Variants in RALGAPA2 observed in about 807,000 individuals in gnomAD.
RALGAPA2 encodes ral GTPase-activating protein subunit alpha-2.
RALGAPA2 carries 139 observed loss-of-function variants against 230.4 expected under a neutral mutation model. That is an observed-to-expected ratio of 0.60 (90% confidence interval 0.53 to 0.69). The LOEUF is 0.69. Among genes scored for constraint, RALGAPA2 ranks in the 30% least tolerant of loss-of-function variants. RALGAPA2 has a pLI of 0.00. For synonymous variants in RALGAPA2, 847 were observed against 837.8 expected, an observed-to-expected ratio of 1.01 and a Z score of -0.19; for missense variants, 2,163 against 2,276.0, an observed-to-expected ratio of 0.95 and a Z score of 1.01.
intron 3 of RALGAPA2, among the ~76,000 whole-genome samples, chr20:20,660,279 A>G (rs543180356): frequency 2.0e-5 from 3 of 151,162 alleles, no homozygotes; most frequent in Non-Finnish European, 4.4e-5. Context: ...TGCCTCTGTG[A>G]GTTCTCAATG....
At chr20:20,683,528 G>A (rs767171795) in intron 1 of RALGAPA2, among the ~76,000 whole-genome samples, 7 of 152,048 alleles carry the variant, frequency 4.6e-5, no homozygotes, top group African/African-American at 7.2e-5. Context: ...CAAACTTCCC[G>A]AACATATTCT....
intron 15 of RALGAPA2, among the ~76,000 whole-genome samples, chr20:20,603,385 T>C (rs1411849488): frequency 2.0e-5 from 3 of 152,206 alleles, no homozygotes; most frequent in Non-Finnish European, 4.4e-5. Context: ...ATTATACGTG[T>C]ATATGGTTTA....
At chr20:20,560,102 C>T (rs2064211873) in intron 23 of RALGAPA2, among the ~76,000 whole-genome samples, 1 of 152,076 alleles carries the variant, frequency 6.6e-6, no homozygotes, top group Non-Finnish European at 1.5e-5. Flanking sequence ...GGGAAAGCTA[C>T]TCATAGCTAA....
At chr20:20,605,473 A>G in intron 14 of RALGAPA2, 61 bp from the exon 15 acceptor site, 2 of 1,264,240 alleles carry the variant, frequency 1.6e-6, no homozygotes, top group Non-Finnish European at 2.2e-6. Flanking sequence ...GCATACTTTT[A>G]AACAAAATGT....
At chr20:20,449,795 T>C (rs892316837) in intron 37 of RALGAPA2, among the ~76,000 whole-genome samples, 1 of 152,234 alleles carries the variant, frequency 6.6e-6, no homozygotes, top group Non-Finnish European at 1.5e-5. Flanking sequence ...TGGAACTTAT[T>C]AGGTTAGAAT....
At chr20:20,439,217 GTTT>G (rs1173075376) in intron 37 of RALGAPA2, among the ~76,000 whole-genome samples, 2 of 144,586 alleles carry the variant, frequency 1.4e-5, no homozygotes, top group Non-Finnish European at 3.1e-5. Context: ...CCTGGTTTTA[GTTT>G]TTTTTTTTTT....
rs1257837542 is a variant in RALGAPA2 at position 20,437,009 on chromosome 20, C to T, written c.5496-24861G>A. Among the ~76,000 whole-genome samples, 1 of 152,190 alleles carries T rather than the reference C, an allele frequency of 6.6e-6. No homozygotes were observed. Among genetic ancestry groups the T allele is most frequent in the Non-Finnish European group, 1.5e-5 (1 of 68,038 alleles). The stretch of plus-strand genomic sequence containing the variant: ...GGAGGCTCCGAGCTCTGAATGCTGC[C>T]GGTGGGACCTTGGCAAGGTCCCCAT... On this transcript the variant is annotated intron_variant, in intron 37 of 39. Transcript: ENST00000202677. The surrounding 1 kb of genome is among the most constrained non-coding windows in gnomAD (Gnocchi z 4.1).
In RALGAPA2 at chr20:20,572,866, A is replaced by G. The variant is rs919311096; in HGVS notation, c.2901+9T>C. On this transcript the variant is annotated intron_variant, in intron 21 of 39. Transcript: ENST00000202677. Reference sequence around the variant, plus strand: ...GGATTAGAATAAAAAGTAACATAGCAGAACTTACCTTTGCTAGTTTGTACC... The same window carrying G: ...GGATTAGAATAAAAAGTAACATAGCGGAACTTACCTTTGCTAGTTTGTACC... 9 of 1,502,178 alleles carry G rather than the reference A, an allele frequency of 6.0e-6. No individual in the cohort carries two copies. In the Admixed American group the frequency reaches 1.7e-4, roughly 28 times the overall value. 93.1% of individuals were successfully genotyped at this position (1,502,178 alleles called of 1,614,324 possible). A position where few individuals can be genotyped will look rare whatever the true frequency, so the allele number is the denominator to read the frequency against.
intron 2 of RALGAPA2, among the ~76,000 whole-genome samples, chr20:20,677,832 G>T (rs1405348502): frequency 6.6e-6 from 1 of 151,482 alleles, no homozygotes; most frequent in African/African-American, 2.4e-5. Context: ...ATTTTTAGTA[G>T]AGACAGGGTG....
chr20:20,511,360 G>T, intron 32 of RALGAPA2, 35 bp from the exon 33 acceptor site: 1 of 1,531,938 alleles, frequency 6.5e-7, no homozygotes, highest in South Asian at 1.3e-5. Flanking sequence ...AAAACCATGT[G>T]ATTACAGAAC....
intron 37 of RALGAPA2, among the ~76,000 whole-genome samples, chr20:20,464,911 T>C (rs1456916963): frequency 6.6e-6 from 1 of 152,228 alleles, no homozygotes; most frequent in African/African-American, 2.4e-5. Context: ...ATTTTAAGTG[T>C]TCAGGATCCA....
In RALGAPA2 at chr20:20,630,779, G is replaced by GC. The variant is rs541496297; in HGVS notation, c.1006-1190dup. Among the ~76,000 whole-genome samples, 40 of 152,170 alleles carry GC rather than the reference G, an allele frequency of 2.6e-4. No individual in the cohort carries two copies. The South Asian group carries it at 8.1e-3, about 31-fold the overall frequency. ...CATTCCTAACTGTAAGGCAACCCAC[G>GC]CAACGCACTTGGATTTCACATATAC... On this transcript the variant is annotated intron_variant, in intron 9 of 39. Transcript: ENST00000202677.
At chr20:20,616,340 A>G (rs930653360) in intron 12 of RALGAPA2, 149 bp from the exon 13 acceptor site, 1 of 696,890 alleles carries the variant, frequency 1.4e-6, no homozygotes, top group African/African-American at 1.8e-5. Context: ...AGTGGTACCA[A>G]CACATATTCA....
chr20:20,642,448 C>T (rs1041032809), intron 5 of RALGAPA2, among the ~76,000 whole-genome samples: 4 of 152,068 alleles, frequency 2.6e-5, no homozygotes, highest in Non-Finnish European at 1.5e-5. Flanking sequence ...TGACCTCAGG[C>T]AATTTGCCTG....
At chr20:20,621,759 T>C (rs1286486425) in intron 10 of RALGAPA2, among the ~76,000 whole-genome samples, 1 of 152,224 alleles carries the variant, frequency 6.6e-6, no homozygotes. Context: ...CATTTGCTTT[T>C]CGCTTATCAG....
chr20:20,535,642 A>G, intron 26 of RALGAPA2, 103 bp downstream of exon 26: 1 of 1,439,434 alleles, frequency 6.9e-7, no homozygotes, highest in Non-Finnish European at 9.2e-7. Flanking sequence ...TCTGTATAAG[A>G]GCTATGTGAA....
chr20:20,622,198 C>T (rs1316567513), intron 10 of RALGAPA2, among the ~76,000 whole-genome samples: 1 of 150,054 alleles, frequency 6.7e-6, no homozygotes, highest in Non-Finnish European at 1.5e-5. Context: ...ATGGATAAAT[C>T]AGAAGAGAGG....
At chr20:20,604,553 A>T (rs2065759022) in intron 15 of RALGAPA2, among the ~76,000 whole-genome samples, 1 of 152,234 alleles carries the variant, frequency 6.6e-6, no homozygotes, top group Admixed American at 6.5e-5. Flanking sequence ...GTGGCCTTGG[A>T]TGAGTCAATC....
chr20:20,425,015 G>T (rs1484284773), intron 37 of RALGAPA2, among the ~76,000 whole-genome samples: 1 of 152,130 alleles, frequency 6.6e-6, no homozygotes, highest in Non-Finnish European at 1.5e-5. Flanking sequence ...ATTATCCAAT[G>T]TTTACTCTTC....
Sources: allele counts gnomAD v4.1 joint callset (sites outside exome capture counted in the v4.1 genomes callset), GRCh38; gene constraint gnomAD v4.1.1; non-coding constraint Gnocchi (gnomAD v3.1); transcripts MANE v1.5; gene names NCBI Gene and HGNC (gene_info 2026-07-23, HGNC 2026-07-21).